Variants in EIF2B3 observed in about 807,000 individuals in gnomAD.
The protein encoded by EIF2B3 is translation initiation factor eIF2B subunit gamma.
EIF2B3 carries 20 observed loss-of-function variants against 54.1 expected under a neutral mutation model. That is an observed-to-expected ratio of 0.37 (90% CI 0.26 to 0.54). EIF2B3 has a LOEUF of 0.54. Ranked by LOEUF, EIF2B3 falls within the 20% of genes least tolerant of loss-of-function variation. The pLI is 0.86. For missense variants in EIF2B3, 448 were observed against 547.8 expected, an observed-to-expected ratio of 0.82 and a Z score of 1.82; for synonymous variants, 153 against 188.1, an observed-to-expected ratio of 0.81 and a Z score of 1.52.
At chr1:44,947,471 A>G (rs1314964146) in intron 3 of EIF2B3, among the ~76,000 whole-genome samples, 1 of 152,172 alleles carries the variant, frequency 6.6e-6, no homozygotes, top group Admixed American at 6.6e-5. Context: ...AAAAAGGTTA[A>G]ATCAGAAAAC....
chr1:44,894,835 T>C (rs1655912893), intron 6 of EIF2B3, among the ~76,000 whole-genome samples: 1 of 152,196 alleles, frequency 6.6e-6, no homozygotes, highest in Non-Finnish European at 1.5e-5. Flanking sequence ...GGTTGTATCA[T>C]TGCTCATTTC....
chr1:44,960,348 A>C (rs559159630), intron 3 of EIF2B3, among the ~76,000 whole-genome samples: 103 of 152,282 alleles, frequency 6.8e-4, no homozygotes, highest in South Asian at 2.9e-3. Context: ...CTGTTTAAAA[A>C]CCAATACTGG....
chr1:44,947,481 C>T (rs529078885), intron 3 of EIF2B3, among the ~76,000 whole-genome samples: 1 of 152,038 alleles, frequency 6.6e-6, no homozygotes, highest in Non-Finnish European at 1.5e-5. Flanking sequence ...AATCAGAAAA[C>T]CGGATGTGTG....
chr1:44,945,254 T>TA (rs111913754), intron 3 of EIF2B3, among the ~76,000 whole-genome samples: 46 of 143,892 alleles, frequency 3.2e-4, no homozygotes, highest in Middle Eastern at 3.5e-3. Context: ...ACTCTGAGAC[T>TA]AAAAAAAAAA....
intron 6 of EIF2B3, among the ~76,000 whole-genome samples, chr1:44,885,977 C>A (rs554007721): frequency 1.0e-4 from 15 of 150,632 alleles, no homozygotes; most frequent in South Asian, 4.2e-4. Context: ...GAACTCCTGA[C>A]CTCGTGATCC....
intron 5 of EIF2B3, 116 bp from the exon 6 acceptor site, chr1:44,897,560 C>T: frequency 1.3e-6 from 1 of 789,526 alleles, no homozygotes; most frequent in Non-Finnish European, 2.1e-6. Flanking sequence ...CAGAGGCATG[C>T]TGCCTACATC....
chr1:44,883,678 T>TA (rs1236269026), intron 6 of EIF2B3, among the ~76,000 whole-genome samples: 2 of 152,172 alleles, frequency 1.3e-5, no homozygotes, highest in Admixed American at 6.5e-5. Flanking sequence ...CTGATTTGAG[T>TA]AATAATAAAA....
intron 3 of EIF2B3, among the ~76,000 whole-genome samples, chr1:44,943,716 G>A (rs1007774134): frequency 6.6e-6 from 1 of 152,034 alleles, no homozygotes; most frequent in Non-Finnish European, 1.5e-5. Context: ...GAGCCACCGC[G>A]CCTAGCCCAG....
At chr1:44,886,685 G>A (rs1655595467) in intron 6 of EIF2B3, among the ~76,000 whole-genome samples, 1 of 152,234 alleles carries the variant, frequency 6.6e-6, no homozygotes, top group Non-Finnish European at 1.5e-5. Context: ...CTCATACACT[G>A]CTGAGTGTTC....
At chr1:44,869,303 C>T (rs1654881457) in intron 10 of EIF2B3, among the ~76,000 whole-genome samples, 1 of 151,964 alleles carries the variant, frequency 6.6e-6, no homozygotes, top group Admixed American at 6.6e-5. Flanking sequence ...CATGGTGAAA[C>T]CCTGTCTCTA....
intron 10 of EIF2B3, among the ~76,000 whole-genome samples, chr1:44,859,954 C>T (rs372797190): frequency 1.3e-5 from 2 of 151,050 alleles, no homozygotes; most frequent in Non-Finnish European, 2.9e-5. Context: ...GGCAGGGTTT[C>T]GTCATGTTGG....
At chr1:44,906,463 C>T (rs1444856289) in intron 5 of EIF2B3, among the ~76,000 whole-genome samples, 1 of 152,186 alleles carries the variant, frequency 6.6e-6, no homozygotes, top group African/African-American at 2.4e-5. Context: ...TGCAGTGGCA[C>T]GATCTCGACT....
At chr1:44,875,878 C>T (rs1477773247) in intron 8 of EIF2B3, among the ~76,000 whole-genome samples, 183 bp from the exon 9 acceptor site, 1 of 152,230 alleles carries the variant, frequency 6.6e-6, no homozygotes, top group East Asian at 1.9e-4. Context: ...TCACTGCAAC[C>T]TCCCTGCCTG....
At chr1:44,943,058 C>G (rs1014570646) in intron 3 of EIF2B3, among the ~76,000 whole-genome samples, 1 of 151,804 alleles carries the variant, frequency 6.6e-6, no homozygotes, top group African/African-American at 2.4e-5. Flanking sequence ...GGTGTTTCAC[C>G]GTGTTAGCCA....
In EIF2B3 at chr1:44,864,994, G is replaced by A. The variant is rs1330395674; in HGVS notation, c.1203-7187C>T. Among the ~76,000 whole-genome samples, 4 of 152,206 alleles carry A rather than the reference G, an allele frequency of 2.6e-5. No homozygotes were observed. In the East Asian group the frequency reaches 7.7e-4, roughly 29 times the overall value. ...GCACTTTGGGAGGCCAAGGCAGGGG[G>A]ATCACTTGAGGTCAAGAGTTCAAGA... On this transcript the variant is annotated intron_variant, in intron 10 of 11. Transcript: ENST00000360403.
intron 3 of EIF2B3, among the ~76,000 whole-genome samples, chr1:44,954,327 T>C (rs1208513860): frequency 3.9e-5 from 6 of 152,210 alleles, no homozygotes; most frequent in Admixed American, 2.0e-4. Flanking sequence ...TTGGGCAGTA[T>C]GGGCATTTTC....
At chr1:44,931,322 T>A (rs1643895054) in intron 4 of EIF2B3, among the ~76,000 whole-genome samples, 1 of 152,224 alleles carries the variant, frequency 6.6e-6, no homozygotes, top group Non-Finnish European at 1.5e-5. Context: ...CCTTCCCAGT[T>A]GAGCCTTCAG....
intron 5 of EIF2B3, among the ~76,000 whole-genome samples, chr1:44,920,665 T>G (rs983267358): frequency 6.6e-6 from 1 of 152,200 alleles, no homozygotes; most frequent in African/African-American, 2.4e-5. Context: ...CCTGGCTTAT[T>G]TCACTTAACA....
chr1:44,865,579 C>T (rs1398968306), intron 10 of EIF2B3, among the ~76,000 whole-genome samples: 1 of 151,854 alleles, frequency 6.6e-6, no homozygotes, highest in Non-Finnish European at 1.5e-5. Flanking sequence ...AACATTGGTA[C>T]CAACTTTTTT....
Sources: gnomAD v4.1 joint callset for allele counts (sites outside exome capture counted in the v4.1 genomes callset) on GRCh38, gnomAD v4.1.1 for gene constraint, MANE v1.5 for transcripts, NCBI Gene and HGNC (gene_info 2026-07-23, HGNC 2026-07-21) for gene names.